The following PDE4D variants were observed in gnomAD, a reference collection of about 807,000 sequenced individuals.
PDE4D encodes phosphodiesterase 4D, also known as 3',5'-cyclic-AMP phosphodiesterase 4D.
Under a neutral mutation model 87.4 loss-of-function variants are expected in PDE4D, and 24 were observed. The ratio of observed to expected loss-of-function variants is 0.27; its 90% CI spans 0.20 to 0.39. The LOEUF is 0.39. Ranked by LOEUF, PDE4D falls within the 10% of genes least tolerant of loss-of-function variation. PDE4D has a pLI of 1.00. For missense variants in PDE4D, 714 were observed against 1,041.0 expected, an observed-to-expected ratio of 0.69 and a Z score of 4.32; for synonymous variants, 384 against 383.2, an observed-to-expected ratio of 1.00 and a Z score of -0.02.
At chr5:59,952,399 G>A (rs1289435050) in intron 3 of PDE4D, among the ~76,000 whole-genome samples, 3 of 152,100 alleles carry the variant, frequency 2.0e-5, no homozygotes, top group Non-Finnish European at 4.4e-5. Context: ...GTCACTTCAA[G>A]CTCTAAGCTT....
At chr5:59,809,367 G>T (rs1014766957) in intron 1 of PDE4D, among the ~76,000 whole-genome samples, 1 of 152,186 alleles carries the variant, frequency 6.6e-6, no homozygotes, top group African/African-American at 2.4e-5. Context: ...AAAATCATTT[G>T]TTAGTTGTGA....
At chr5:59,064,768 C>A (rs1763634416) in intron 5 of PDE4D, among the ~76,000 whole-genome samples, 1 of 152,098 alleles carries the variant, frequency 6.6e-6, no homozygotes, top group African/African-American at 2.4e-5. Context: ...ATAATCCCCT[C>A]TCCAACTTTA....
intron 6 of PDE4D, among the ~76,000 whole-genome samples, chr5:59,004,179 G>C (rs377069349): frequency 7.9e-5 from 12 of 151,492 alleles, no homozygotes; most frequent in African/African-American, 2.7e-4. Context: ...AAATAAAGGA[G>C]AAATGAGTAA....
At chr5:59,586,365 A>T in intron 1 of PDE4D, 4 of 1,612,900 alleles carry the variant, frequency 2.5e-6, no homozygotes, top group Non-Finnish European at 3.4e-6. Flanking sequence ...AAAATTATTC[A>T]CGTGCATCAT....
At chr5:59,024,674 T>C (rs1755874185) in intron 6 of PDE4D, among the ~76,000 whole-genome samples, 1 of 152,142 alleles carries the variant, frequency 6.6e-6, no homozygotes, top group Non-Finnish European at 1.5e-5. Context: ...CATTATCTTC[T>C]GGCATAAAGT....
chr5:59,999,541 AC>A (rs61538924), intron 2 of PDE4D, among the ~76,000 whole-genome samples: 66,043 of 127,342 alleles, frequency 0.52, 18,763 homozygotes, highest in East Asian at 0.64. Flanking sequence ...AAAAAAAAAA[AC>A]AAAACAAAAC....
intron 1 of PDE4D, among the ~76,000 whole-genome samples, chr5:60,389,854 G>A (rs527297346): frequency 1.3e-5 from 2 of 152,286 alleles, no homozygotes; most frequent in African/African-American, 4.8e-5. Flanking sequence ...GTCACAAGAG[G>A]ATACAAGGGG....
At chr5:60,129,753 A>G (rs1266617903) in intron 2 of PDE4D, among the ~76,000 whole-genome samples, 1 of 151,874 alleles carries the variant, frequency 6.6e-6, no homozygotes, top group Non-Finnish European at 1.5e-5. Context: ...TCCTATAAAA[A>G]CTCTATTGAA....
At chr5:59,930,111 G>A (rs1393335144) in intron 3 of PDE4D, among the ~76,000 whole-genome samples, 2 of 130,764 alleles carry the variant, frequency 1.5e-5, no homozygotes, top group African/African-American at 3.0e-5. Flanking sequence ...GCAGTGAGCC[G>A]AGATCGTGCC....
At chr5:59,267,406 T>C (rs972141474) in intron 1 of PDE4D, among the ~76,000 whole-genome samples, 11 of 152,108 alleles carry the variant, frequency 7.2e-5, no homozygotes, top group African/African-American at 2.7e-4. Flanking sequence ...TTTCTCATCT[T>C]TGATGTATTT....
chr5:59,280,365 C>T (rs928164253), intron 1 of PDE4D, among the ~76,000 whole-genome samples: 3 of 152,102 alleles, frequency 2.0e-5, no homozygotes, highest in Non-Finnish European at 4.4e-5. Flanking sequence ...GTTTTTAAAA[C>T]TAGAATAAAC....
chr5:59,412,604 T>C (rs1792892322), intron 1 of PDE4D, among the ~76,000 whole-genome samples: 1 of 152,314 alleles, frequency 6.6e-6, no homozygotes, highest in Non-Finnish European at 1.5e-5. Context: ...CTACAGGGTA[T>C]TGATCCATGG....
chr5:59,308,285 A>G (rs1771834012), intron 1 of PDE4D, among the ~76,000 whole-genome samples: 1 of 151,870 alleles, frequency 6.6e-6, no homozygotes, highest in African/African-American at 2.4e-5. Context: ...TGGGTGCAGC[A>G]CACCGGCATG....
intron 1 of PDE4D, among the ~76,000 whole-genome samples, chr5:60,272,966 TCA>T (rs776938950): frequency 5.9e-5 from 9 of 152,198 alleles, no homozygotes; most frequent in Admixed American, 2.0e-4. Flanking sequence ...AAAACCTCTC[TCA>T]CACTTATTTA....
chr5:59,175,143 T>C (rs187972041), intron 5 of PDE4D, among the ~76,000 whole-genome samples: 3 of 152,316 alleles, frequency 2.0e-5, no homozygotes, highest in African/African-American at 7.2e-5. Context: ...CAGGTATGGC[T>C]TGGGCATCTC....
At chr5:59,968,036 G>A (rs1368600801) in intron 3 of PDE4D, among the ~76,000 whole-genome samples, 1 of 137,116 alleles carries the variant, frequency 7.3e-6, no homozygotes, top group Non-Finnish European at 1.5e-5. Context: ...CCAGGCTGGA[G>A]TGCAATGACC....
intron 1 of PDE4D, chr5:59,430,505 G>T: frequency 9.5e-7 from 1 of 1,052,244 alleles, no homozygotes; most frequent in Non-Finnish European, 1.2e-6. Flanking sequence ...TCAGATAATA[G>T]ATTTCAGACA....
chr5:60,323,182 C>T (rs1041977268), intron 1 of PDE4D, among the ~76,000 whole-genome samples: 12 of 152,150 alleles, frequency 7.9e-5, no homozygotes, highest in Admixed American at 3.9e-4. Context: ...ATGATACACA[C>T]GGGTGTATCT....
chr5:59,018,938 C>A (rs1386209383), intron 6 of PDE4D, among the ~76,000 whole-genome samples: 1 of 144,860 alleles, frequency 6.9e-6, no homozygotes, highest in South Asian at 2.3e-4. Context: ...AATCCTGCCC[C>A]CTCTTTTTTT....
Sources: gnomAD v4.1 joint callset for allele counts (sites outside exome capture counted in the v4.1 genomes callset) on GRCh38, gnomAD v4.1.1 for gene constraint, MANE v1.5 for transcripts, NCBI Gene and HGNC (gene_info 2026-07-23, HGNC 2026-07-21) for gene names.